Variants in MORC2 observed in about 807,000 individuals in gnomAD.
MORC2 encodes MORC family CW-type zinc finger 2, also known as ATPase MORC2.
In MORC2, 30 loss-of-function variants were observed where a neutral mutation model predicts 136.0. The observed-to-expected ratio is 0.22, with a 90% CI of 0.17 to 0.30. The LOEUF (loss-of-function observed/expected upper bound fraction) is 0.30. MORC2 is among the 10% of genes least tolerant of loss of function. The pLI is 1.00. For missense variants in MORC2, 922 were observed against 1,333.1 expected (o/e 0.69, Z 4.80); for synonymous variants, 439 against 487.0 (o/e 0.90, Z 1.30).
At chr22:30,967,594 T>G (rs936720762) in intron 1 of MORC2, 100 of 1,348,712 alleles carry the variant, frequency 7.4e-5, no homozygotes, top group Non-Finnish European at 8.1e-5. Flanking sequence ...AGTTTGCATT[T>G]AGAAAATTTT....
intron 1 of MORC2, among the ~76,000 whole-genome samples, chr22:30,963,702 A>G (rs1382645585): frequency 6.6e-6 from 1 of 152,112 alleles, no homozygotes; most frequent in Non-Finnish European, 1.5e-5. Context: ...CGGCTTTTAT[A>G]TCATTTGTGT....
rs1426394911 is a variant in MORC2, at chr22:30,937,645, G to A, written c.1436C>T (p.Pro479Leu). 1 of 1,613,850 alleles carries A rather than the reference G, an allele frequency of 6.2e-7. No individual in the cohort carries two copies. The highest frequency in any genetic ancestry group is 8.5e-7 in the Non-Finnish European group (1 of 1,179,938). ...GYLSANWNQP[P>L]SSELRYKRRR... ...GCGTTTGTAACGCAGCTCACTGGAT[G>A]GGGGCTGGTTCCAGTTGGCAGAGAG... Residue 479 changes from proline to leucine, a missense_variant, in exon 15 of 26, where the codon CCA becomes CTA. Physicochemically the swap from Pro to Leu is moderately conservative, Grantham distance 98. Around this residue, in one of 9 missense-constraint regions of MORC2, gnomAD observed 119 missense variants for 202.7 expected, o/e 0.59. Transcript: ENST00000397641. The surrounding 1 kb of genome is among the most constrained non-coding windows in gnomAD (Gnocchi z 4.7).
Position 30,934,297 on chromosome 22 carries a change from C to G in MORC2, c.2194-106G>C. On this transcript the variant is annotated intron_variant, in intron 19 of 25. Coordinates refer to ENST00000397641, the MANE Select transcript of MORC2 (RefSeq NM_001303256.3). The surrounding 1 kb of genome is among the most constrained non-coding windows in gnomAD (Gnocchi z 4.4). ...GTCGTTCCAAGAGGAGCTGTACTCC[C>G]TGCAATCCCTGCCTGACATTACTTG... 1.4e-6 allele frequency: 2 copies of G among 1,455,164 alleles called. No homozygotes were observed. Among genetic ancestry groups the G allele is most frequent in the South Asian group, 2.6e-5 (2 of 75,606 alleles). 90.1% of individuals were successfully genotyped at this position (1,455,164 alleles called of 1,614,324 possible).
At position 30,937,698 on chromosome 22, in the gene MORC2, G is replaced by A. The variant is rs2040674864; in HGVS notation, c.1383C>T (p.Ile461=). 1.9e-6 allele frequency: 3 copies of A among 1,614,120 alleles called. No homozygotes were observed. Among genetic ancestry groups the A allele is most frequent in the African/African-American group, 1.3e-5 (1 of 75,022 alleles). The change falls in exon 15 of 26, where the codon ATC becomes ATT. Residue 461 remains isoleucine, a synonymous_variant. Transcript: ENST00000397641. The surrounding 1 kb of genome is among the most constrained non-coding windows in gnomAD (Gnocchi z 4.7). ...WKDIAIAQRG[I]IKFWDEFGYL... The stretch of plus-strand genomic sequence containing the variant: ...AGCCAAACTCATCCCAGAACTTGAT[G>A]ATTCCCCTCTGGGCTGGAAAGCAAA...
In MORC2 at chr22:30,934,631, G is replaced by C; in HGVS notation, c.2193+150C>G. 1 of 1,150,846 alleles carries C rather than the reference G, an allele frequency of 8.7e-7. No homozygotes were observed. Among genetic ancestry groups the C allele is most frequent in the Non-Finnish European group, 1.2e-6 (1 of 812,450 alleles). 71.3% of individuals were successfully genotyped at this position (1,150,846 alleles called of 1,614,324 possible). On this transcript the variant is annotated intron_variant, in intron 19 of 25. Coordinates refer to ENST00000397641, the MANE Select transcript of MORC2 (RefSeq NM_001303256.3). The surrounding 1 kb of genome is among the most constrained non-coding windows in gnomAD (Gnocchi z 4.4). The stretch of plus-strand genomic sequence containing the variant: ...TGTCTGGCCCCAACAAGTCCGTTCA[G>C]CTATCAAGGCTTCCCGTCCTCAGGG...
At chr22:30,938,304 A>T in intron 12 of MORC2, 99 bp from the exon 13 acceptor site, 1 of 1,406,760 alleles carries the variant, frequency 7.1e-7, no homozygotes, top group Non-Finnish European at 9.7e-7. Flanking sequence ...GAAACATGTT[A>T]AGCCAAAAGT....
At chr22:30,931,468 A>G (rs1438715120) in intron 24 of MORC2, among the ~76,000 whole-genome samples, 1 of 152,208 alleles carries the variant, frequency 6.6e-6, no homozygotes, top group African/African-American at 2.4e-5. Flanking sequence ...AAACTTTTGC[A>G]GGCTGTCCTC....
chr22:30,967,898 TA>T lies in MORC2; in HGVS notation c.-10del. The T allele has an allele frequency of 1.9e-6, 3 of 1,541,898 alleles. No individual in the cohort carries two copies. The highest frequency in any genetic ancestry group is 1.7e-4 in the Middle Eastern group (1 of 5,978). ...TAATTTGTGAAAGCCATGACTGCAA[TA>T]AGGTCTCCAGCCCTTCACCCGCTAA... On this transcript the variant is annotated 5_prime_UTR_variant, in exon 1 of 26. Transcript: ENST00000397641.
At chr22:30,927,623 A>G (rs1263236862) in intron 25 of MORC2, among the ~76,000 whole-genome samples, 1 of 152,156 alleles carries the variant, frequency 6.6e-6, no homozygotes, top group African/African-American at 2.4e-5. Flanking sequence ...TGTCTTGTTC[A>G]TTCTGTATCC....
intron 5 of MORC2, among the ~76,000 whole-genome samples, chr22:30,949,107 T>C (rs545124383): frequency 3.3e-5 from 5 of 152,344 alleles, no homozygotes; most frequent in African/African-American, 1.2e-4. Flanking sequence ...TCCAAAGGTA[T>C]GTACAGCTGG....
At chr22:30,956,702 A>G in intron 3 of MORC2, 61 bp downstream of exon 3, 1 of 1,291,462 alleles carries the variant, frequency 7.7e-7, no homozygotes, top group Admixed American at 2.3e-5. Context: ...AATTCTTCTT[A>G]GGCACAGTAA....
intron 1 of MORC2, among the ~76,000 whole-genome samples, chr22:30,960,479 GATTTATTT>G (rs891460977): frequency 2.6e-5 from 4 of 151,786 alleles, no homozygotes; most frequent in South Asian, 2.1e-4. Context: ...GGAAAAGACA[GATTTATTT>G]ATTTATTTAT....
At chr22:30,955,272 T>C (rs527661444) in intron 3 of MORC2, among the ~76,000 whole-genome samples, 14 of 152,238 alleles carry the variant, frequency 9.2e-5, no homozygotes, top group Admixed American at 5.9e-4. Flanking sequence ...CCTGAGCATT[T>C]AGTAATCATC....
intron 6 of MORC2, among the ~76,000 whole-genome samples, chr22:30,944,298 C>T (rs1035021403): frequency 2.6e-5 from 4 of 152,174 alleles, no homozygotes; most frequent in Admixed American, 1.3e-4. Flanking sequence ...CTACGCCTCC[C>T]ATTCTTCACA....
chr22:30,926,795 T>G lies in MORC2; in HGVS notation c.*8A>C. On this transcript the variant is annotated 3_prime_UTR_variant, in exon 26 of 26. Transcript: ENST00000397641. ...AGGTGGGCAGGGGAGCTGCTCTCTC[T>G]CCTGCCTTCAGTCCCCCTTGGTGAT... The G allele has an allele frequency of 1.2e-6, 2 of 1,611,474 alleles. No homozygotes were observed. Among genetic ancestry groups the G allele is most frequent in the Admixed American group, 3.3e-5 (2 of 59,988 alleles).
chr22:30,946,595 T>C, intron 5 of MORC2, 146 bp from the exon 6 acceptor site: 1 of 597,450 alleles, frequency 1.7e-6, no homozygotes, highest in Non-Finnish European at 2.9e-6. Context: ...GTGTGCTGAG[T>C]TCCACAGCCC....
Position 30,934,209 on chromosome 22 carries a change from T to G in MORC2, c.2194-18A>C, listed in dbSNP as rs2040620172. The stretch of plus-strand genomic sequence containing the variant: ...GGGGTAGCCTAGAGCAAGAGGAGCG[T>G]GAGGATGTGAGGGGCCCTGTTCAGC... On this transcript the variant is annotated intron_variant, in intron 19 of 25. Coordinates refer to ENST00000397641, the MANE Select transcript of MORC2 (RefSeq NM_001303256.3). The surrounding 1 kb of genome is among the most constrained non-coding windows in gnomAD (Gnocchi z 4.4). 6.2e-7 allele frequency: 1 copy of G among 1,613,778 alleles called. No individual in the cohort carries two copies. Among genetic ancestry groups the G allele is most frequent in the Non-Finnish European group, 8.5e-7 (1 of 1,179,928 alleles).
At position 30,932,682 on chromosome 22, in the gene MORC2, C is replaced by T. The variant is rs375217252; in HGVS notation, c.2610G>A (p.Glu870=). 1.2e-6 allele frequency: 2 copies of T among 1,614,094 alleles called. No individual in the cohort carries two copies. The highest frequency in any genetic ancestry group is 2.7e-5 in the African/African-American group (2 of 74,936). The change falls in exon 23 of 26, where the codon GAG becomes GAA. Residue 870 remains glutamate (E), a synonymous_variant. Transcript: ENST00000397641. This position sits in a 1 kb window ranked among gnomAD's most constrained non-coding sequence, Gnocchi z 4.4. ...QSLDTQQEGG[E]EEVGPVAQQA... ...GCTGGGCCACAGGGCCCACCTCCTC[C>T]TCCCCGCCCTCCTGTTGTGTATCAA... is the stretch of plus-strand genomic sequence containing the variant.
At chr22:30,952,561 T>G (rs1029395922) in intron 3 of MORC2, among the ~76,000 whole-genome samples, 3 of 152,230 alleles carry the variant, frequency 2.0e-5, no homozygotes, top group Non-Finnish European at 4.4e-5. Context: ...CCTGGCTACA[T>G]AGTAACTGAC....
Sources: allele counts gnomAD v4.1 joint callset (sites outside exome capture counted in the v4.1 genomes callset), GRCh38; gene constraint gnomAD v4.1.1; regional missense constraint gnomAD v4.1.1; non-coding constraint Gnocchi (gnomAD v3.1); transcripts MANE v1.5; gene names NCBI Gene and HGNC (gene_info 2026-07-23, HGNC 2026-07-21).